GNAQ: variants seen among roughly 807,000 people sequenced by gnomAD.
GNAQ encodes G protein subunit alpha q.
In GNAQ, 8 loss-of-function variants were observed where a neutral mutation model predicts 43.9. That is an observed-to-expected ratio of 0.18 (90% CI 0.11 to 0.33). The LOEUF is 0.33. GNAQ is among the 10% of genes least tolerant of loss of function. The probability of loss-of-function intolerance (pLI) is 1.00; values close to 1 mark genes in which losing one functional copy is unlikely to be tolerated. For synonymous variants in GNAQ, 155 were observed against 170.7 expected (o/e 0.91, Z 0.71); for missense variants, 158 against 450.8 (o/e 0.35, Z 5.88).
chr9:77,931,868 T>C (rs879276236), intron 1 of GNAQ, among the ~76,000 whole-genome samples: 4 of 151,994 alleles, frequency 2.6e-5, no homozygotes, highest in South Asian at 2.1e-4. Flanking sequence ...TGGTAGGAAA[T>C]AGACAATAAA....
chr9:77,898,620 AATGG>A (rs3083216), intron 2 of GNAQ, among the ~76,000 whole-genome samples: 44 of 150,688 alleles, frequency 2.9e-4, no homozygotes, highest in East Asian at 1.2e-3. Context: ...TGAATGAATA[AATGG>A]ATGGATGGAT....
chr9:77,865,550 A>G (rs754067365), intron 2 of GNAQ, among the ~76,000 whole-genome samples: 25 of 152,334 alleles, frequency 1.6e-4, no homozygotes, highest in Non-Finnish European at 3.2e-4. Flanking sequence ...CAGCATCACC[A>G]ACCACGTGAC....
At chr9:77,962,035 T>C (rs1323490492) in intron 1 of GNAQ, among the ~76,000 whole-genome samples, 1 of 150,922 alleles carries the variant, frequency 6.6e-6, no homozygotes, top group Admixed American at 6.6e-5. Context: ...GTATCTAAAA[T>C]GAAAAATACA....
chr9:77,738,170 T>G (rs942546509), intron 5 of GNAQ, among the ~76,000 whole-genome samples: 1 of 152,220 alleles, frequency 6.6e-6, no homozygotes, highest in African/African-American at 2.4e-5. Flanking sequence ...TTTATTCAAT[T>G]TGTAACATGT....
At chr9:77,873,984 A>C (rs1165760481) in intron 2 of GNAQ, among the ~76,000 whole-genome samples, 1 of 151,940 alleles carries the variant, frequency 6.6e-6, no homozygotes, top group African/African-American at 2.4e-5. Flanking sequence ...GCATGCCTGT[A>C]ATCCCAGCTA....
intron 2 of GNAQ, among the ~76,000 whole-genome samples, chr9:77,910,646 T>A (rs186560863): frequency 6.6e-6 from 1 of 152,168 alleles, no homozygotes; most frequent in African/African-American, 2.4e-5. Context: ...TTTTTTTTTT[T>A]AATCAGCCAT....
At chr9:77,772,628 AAG>A (rs1361373521) in intron 5 of GNAQ, among the ~76,000 whole-genome samples, 3 of 152,200 alleles carry the variant, frequency 2.0e-5, no homozygotes, top group Non-Finnish European at 4.4e-5. Context: ...AGAAGAGAGA[AAG>A]AGATTCCCAA....
At chr9:77,971,657 A>T (rs925857207) in intron 1 of GNAQ, among the ~76,000 whole-genome samples, 2 of 152,222 alleles carry the variant, frequency 1.3e-5, no homozygotes, top group African/African-American at 4.8e-5. Context: ...TTTATGACAG[A>T]CACACCGCCA....
intron 2 of GNAQ, among the ~76,000 whole-genome samples, chr9:77,837,735 G>T (rs1452895743): frequency 6.6e-6 from 1 of 151,574 alleles, no homozygotes; most frequent in East Asian, 1.9e-4. Flanking sequence ...AAAGTAGATT[G>T]TAAAATAGTA....
intron 2 of GNAQ, among the ~76,000 whole-genome samples, chr9:77,831,214 A>T (rs1827292985): frequency 6.6e-6 from 1 of 152,232 alleles, no homozygotes. Flanking sequence ...GTCACAAATT[A>T]ATCATTTTTT....
chr9:77,979,213 A>G (rs1823338599), intron 1 of GNAQ, among the ~76,000 whole-genome samples: 1 of 151,966 alleles, frequency 6.6e-6, no homozygotes, highest in South Asian at 2.1e-4. Context: ...AAAATTAACC[A>G]GGTACGGTGG....
intron 2 of GNAQ, among the ~76,000 whole-genome samples, chr9:77,883,419 A>C (rs1227794701): frequency 6.6e-6 from 1 of 151,796 alleles, no homozygotes; most frequent in Non-Finnish European, 1.5e-5. Flanking sequence ...AGGTAGGCTG[A>C]GGAACAGTGG....
intron 5 of GNAQ, among the ~76,000 whole-genome samples, chr9:77,776,913 T>A (rs1286793168): frequency 1.3e-5 from 2 of 151,434 alleles, no homozygotes; most frequent in Non-Finnish European, 2.9e-5. Flanking sequence ...AAAATTTATG[T>A]GGAAATGTAA....
intron 1 of GNAQ, among the ~76,000 whole-genome samples, chr9:78,023,467 T>C (rs937265507): frequency 2.6e-5 from 4 of 151,966 alleles, no homozygotes; most frequent in African/African-American, 9.7e-5. Flanking sequence ...GGTATTCACA[T>C]GAAAGGGATG....
intron 1 of GNAQ, among the ~76,000 whole-genome samples, chr9:78,017,778 T>C (rs1306824602): frequency 6.6e-6 from 1 of 152,176 alleles, no homozygotes; most frequent in Non-Finnish European, 1.5e-5. Flanking sequence ...AAAAGGCTAA[T>C]TTCATTTGTA....
At chr9:77,780,776 A>G (rs1826383077) in intron 5 of GNAQ, among the ~76,000 whole-genome samples, 1 of 151,794 alleles carries the variant, frequency 6.6e-6, no homozygotes, top group African/African-American at 2.4e-5. Flanking sequence ...AGCATTTGCT[A>G]TTTTTTGTCT....
chr9:77,762,773 G>A (rs1826070990), intron 5 of GNAQ, among the ~76,000 whole-genome samples: 2 of 152,108 alleles, frequency 1.3e-5, no homozygotes, highest in South Asian at 2.1e-4. Context: ...TTCTGCCTTG[G>A]GATCCTGTTG....
chr9:77,852,641 C>T lies in GNAQ; in HGVS notation c.322-36871G>A, dbSNP rs116523257. On this transcript the variant is annotated intron_variant, in intron 2 of 6. Transcript: ENST00000286548. ...CAGGTATGCCTCCCCGAAAGCATCCCTGCTAACTTTGGGACTACGTGATCG... is the reference window on the plus strand; with the variant it reads ...CAGGTATGCCTCCCCGAAAGCATCCTTGCTAACTTTGGGACTACGTGATCG... Among the ~76,000 whole-genome samples the T allele has an allele frequency of 1.0e-3, 155 of 152,348 alleles. 2 individuals are homozygous for T. The highest frequency in any genetic ancestry group is 3.5e-3 in the African/African-American group (147 of 41,590).
At chr9:77,994,662 G>T (rs960103617) in intron 1 of GNAQ, among the ~76,000 whole-genome samples, 1 of 152,112 alleles carries the variant, frequency 6.6e-6, no homozygotes, top group Admixed American at 6.5e-5. Context: ...TGCTTAATAT[G>T]AACCAATTTT....
Sources: allele counts gnomAD v4.1 joint callset (sites outside exome capture counted in the v4.1 genomes callset), GRCh38; gene constraint gnomAD v4.1.1; transcripts MANE v1.5; gene names NCBI Gene and HGNC (gene_info 2026-07-23, HGNC 2026-07-21).